Variants in TUBB8B observed in about 807,000 individuals in gnomAD.
TUBB8B encodes the protein tubulin beta 8B, also known as HSA18p11 beta-tubulin 4Q pseudogene.
In TUBB8B, 26 loss-of-function variants were observed where a neutral mutation model predicts 31.9. The ratio of observed to expected loss-of-function variants is 0.81; its 90% CI spans 0.60 to 1.13. The LOEUF is 1.13. Ranked by LOEUF, TUBB8B falls within the 50% of genes most tolerant of loss-of-function variation. TUBB8B has a pLI of 0.00. For synonymous variants in TUBB8B, 173 were observed against 231.0 expected (o/e 0.75, Z 2.28); for missense variants, 467 against 586.7 (o/e 0.80, Z 2.11).
chr18:63,510 C>A, the TUBB8B span, among the ~76,000 whole-genome samples: 1 of 151,696 alleles, frequency 6.6e-6, no homozygotes, highest in Middle Eastern at 3.2e-3. Flanking sequence ...CTGAGGCCAT[C>A]ACCACTGAGA....
the TUBB8B span, among the ~76,000 whole-genome samples, chr18:71,039 G>A: frequency 1.3e-5 from 2 of 151,874 alleles, no homozygotes; most frequent in African/African-American, 4.8e-5. Flanking sequence ...CTTGAGCCCA[G>A]GAGTTCAAGA....
the TUBB8B span, among the ~76,000 whole-genome samples, chr18:70,652 A>G: frequency 1.3e-5 from 2 of 150,902 alleles, no homozygotes; most frequent in Non-Finnish European, 2.9e-5. Flanking sequence ...AAAAAGAAAA[A>G]AGAAAAATAC....
the TUBB8B span, among the ~76,000 whole-genome samples, chr18:57,683 A>T: frequency 3.9e-5 from 6 of 151,908 alleles, no homozygotes; most frequent in South Asian, 4.1e-4. Context: ...CTACTAGGCC[A>T]TGCCCCAGTG....
the TUBB8B span, among the ~76,000 whole-genome samples, chr18:55,522 G>A: frequency 2.6e-5 from 4 of 151,754 alleles, no homozygotes; most frequent in African/African-American, 7.3e-5. Flanking sequence ...GATGGCAGGC[G>A]AGACAGCATG....
At chr18:55,033 T>G in the TUBB8B span, among the ~76,000 whole-genome samples, 4 of 152,016 alleles carry the variant, frequency 2.6e-5, no homozygotes, top group Non-Finnish European at 4.4e-5. Flanking sequence ...TATAGAATGT[T>G]TTGAACTCAA....
chr18:60,749 G>A, the TUBB8B span, among the ~76,000 whole-genome samples: 1 of 151,662 alleles, frequency 6.6e-6, no homozygotes, highest in Non-Finnish European at 1.5e-5. Context: ...ACTGTTTAAT[G>A]TCCAAGTGTT....
Position 49,001 on chromosome 18 carries a change from G to T in TUBB8B, c.216C>A (p.Thr72=), listed in dbSNP as rs1307565580. The T allele has an allele frequency of 1.2e-6, 2 of 1,609,688 alleles. No homozygotes were observed. Among genetic ancestry groups the T allele is most frequent in the Non-Finnish European group, 1.7e-6 (2 of 1,178,190 alleles). The part of the protein sequence containing the change: ...RAVLVDLEPG[T]MDSVHSGPFG... Reference sequence around the variant, plus strand: ...AGGGCCCCGAGTGCACAGAGTCCATGGTGCCCGGCTCCAGATCCACGAGCA... The same window carrying T: ...AGGGCCCCGAGTGCACAGAGTCCATTGTGCCCGGCTCCAGATCCACGAGCA... The change falls in exon 3 of 4, where the codon ACC becomes ACA. Residue 72 remains threonine (T), a synonymous_variant. Transcript: ENST00000308911.
Position 48,322 on chromosome 18 carries a change from G to T in TUBB8B, c.403C>A (p.Leu135Met). The T allele has an allele frequency of 6.2e-7, 1 of 1,610,496 alleles. No homozygotes were observed. Among genetic ancestry groups the T allele is most frequent in the Non-Finnish European group, 8.5e-7 (1 of 1,177,102 alleles). The change falls in exon 4 of 4, where the codon CTG (leucine) becomes ATG (methionine). Residue 135 changes from leucine (L) to methionine (M), a missense_variant. Leu to Met is a conservative substitution (Grantham distance 15). This residue lies in a region of TUBB8B where 259 missense variants were observed against 380.1 expected (regional missense o/e 0.68). Transcript: ENST00000308911. ...ESCDCLQGFQ[L>M]THSLGGGTGS... ...GTCCCCCCACCCAGGGAGTGGGTCA[G>T]CTGGAAACCCTGCAGGCAGTCACAG...
upstream of TUBB8B, among the ~76,000 whole-genome samples, chr18:53,488 G>C (rs547199761): frequency 2.0e-4 from 30 of 151,842 alleles, no homozygotes; most frequent in Middle Eastern, 6.8e-3. Context: ...TTATCGTTTT[G>C]AGACAGAGTC....
chr18:60,559 T>C, the TUBB8B span, among the ~76,000 whole-genome samples: 1 of 151,826 alleles, frequency 6.6e-6, no homozygotes. Context: ...GGTTATTTAT[T>C]TGCAGCTTTT....
the TUBB8B span, among the ~76,000 whole-genome samples, chr18:67,231 A>G: frequency 0.097 from 10,636 of 109,480 alleles, no homozygotes; most frequent in African/African-American, 0.21. Context: ...TCCTGATCTC[A>G]TGGATCCACC....
the TUBB8B span, among the ~76,000 whole-genome samples, chr18:66,388 C>CA: frequency 4.6e-4 from 70 of 152,088 alleles, 1 homozygote; most frequent in East Asian, 0.011. Flanking sequence ...CCTACCTGTA[C>CA]AAAAAATCAA....
At chr18:54,027 T>C (rs890280004), upstream of TUBB8B, among the ~76,000 whole-genome samples, 2 of 151,648 alleles carry the variant, frequency 1.3e-5, no homozygotes, top group African/African-American at 4.8e-5. Context: ...AAGAACAGGG[T>C]TCCCTGCAGG....
chr18:47,451 T>C lies in TUBB8B; in HGVS notation c.1274A>G (p.Tyr425Cys). ...MNDLVSEYQQ[Y>C]QDATAEEEED... ...CTCCTCCTCGGCCGTGGCATCCTGATATTGCTGATATTCAGACACCAGGTC... is the reference window on the plus strand; with the variant it reads ...CTCCTCCTCGGCCGTGGCATCCTGACATTGCTGATATTCAGACACCAGGTC... The change falls in exon 4 of 4, where the codon TAT (tyrosine) becomes TGT (cysteine). Residue 425 changes from tyrosine (Y) to cysteine (C), a missense_variant. Tyr to Cys is a radical substitution (Grantham distance 194). Around this residue, in one of 2 missense-constraint regions of TUBB8B, gnomAD observed 208 missense variants for 206.7 expected, o/e 1.01. Coordinates refer to ENST00000308911, the MANE Select transcript of TUBB8B (RefSeq NM_001358689.2). 1 of 1,423,024 alleles carries C rather than the reference T, an allele frequency of 7.0e-7. No homozygotes were observed. The highest frequency in any genetic ancestry group is 9.8e-7 in the Non-Finnish European group (1 of 1,017,386). The allele number at this position is 1,423,024 out of a possible 1,614,324, so 88.1% of individuals were successfully genotyped here.
At chr18:48,864 G>A (rs1176816525) in intron 3 of TUBB8B, 76 bp downstream of exon 3, 1 of 1,052,508 alleles carries the variant, frequency 9.5e-7, no homozygotes, top group Non-Finnish European at 1.5e-6. Flanking sequence ...AGTTCCCACA[G>A]GATGACCTTG....
chr18:65,070 G>A, the TUBB8B span, among the ~76,000 whole-genome samples: 1 of 152,076 alleles, frequency 6.6e-6, no homozygotes, highest in East Asian at 1.9e-4. Context: ...GGAGGCCAAG[G>A]CAGACAGATT....
At chr18:51,214 GGTCAAGGGGCTCATCTCTCTTAA>G (rs1906090416), upstream of TUBB8B, among the ~76,000 whole-genome samples, 1 of 151,844 alleles carries the variant, frequency 6.6e-6, no homozygotes, top group African/African-American at 2.4e-5. Flanking sequence ...GCCTTGGGAT[GGTCAAGGGGCTCATCTCTCTTAA>G]GTCTGGCCTG....
At chr18:63,963 C>T in the TUBB8B span, among the ~76,000 whole-genome samples, 86 of 151,086 alleles carry the variant, frequency 5.7e-4, no homozygotes, top group African/African-American at 1.9e-3. Context: ...ACCCTAACCC[C>T]TAACCCTAAC....
chr18:48,405 G>C lies in TUBB8B; in HGVS notation c.320C>G (p.Thr107Arg). ...AGNNWAKGRY[T>R]EGAELTESVM... ...TGACTCCGTCAGCTCCGCGCCTTCT[G>C]TGTAGCGTCCCTTGGCCCAGTTGTT... The change falls in exon 4 of 4, where the codon ACA (threonine) becomes AGA (arginine). Residue 107 changes from threonine to arginine, a missense_variant. Around this residue, in one of 2 missense-constraint regions of TUBB8B, gnomAD observed 259 missense variants for 380.1 expected, o/e 0.68. Coordinates refer to ENST00000308911, the MANE Select transcript of TUBB8B (RefSeq NM_001358689.2). The C allele has an allele frequency of 6.2e-7, 1 of 1,612,870 alleles. No individual in the cohort carries two copies. The highest frequency in any genetic ancestry group is 2.2e-5 in the East Asian group (1 of 44,864).
Sources: gnomAD v4.1 joint callset for allele counts (sites outside exome capture counted in the v4.1 genomes callset) on GRCh38, gnomAD v4.1.1 for gene constraint, gnomAD v4.1.1 regional missense constraint, MANE v1.5 for transcripts, NCBI Gene and HGNC (gene_info 2026-07-23, HGNC 2026-07-21) for gene names.